Variants in AOPEP observed in about 807,000 individuals in gnomAD.
AOPEP encodes the protein aminopeptidase O (putative), also known as aminopeptidase O.
A neutral mutation model predicts 98.1 loss-of-function variants in AOPEP; 77 were observed. The ratio of observed to expected loss-of-function variants is 0.78; its 90% CI spans 0.65 to 0.95. The LOEUF is 0.95. Among genes scored for constraint, AOPEP ranks in the 40% least tolerant of loss-of-function variants. The probability of loss-of-function intolerance (pLI) is 0.00; values close to 1 mark genes in which losing one functional copy is unlikely to be tolerated. For synonymous variants in AOPEP, 346 were observed against 365.3 expected (o/e 0.95, Z 0.60); for missense variants, 1,024 against 1,024.7 (o/e 1.00, Z 0.01).
chr9:94,892,300 T>A (rs1427253145), intron 5 of AOPEP, among the ~76,000 whole-genome samples: 1 of 152,194 alleles, frequency 6.6e-6, no homozygotes, highest in Non-Finnish European at 1.5e-5. Context: ...TGAATTTAGA[T>A]CTTTTATTAT....
intron 14 of AOPEP, among the ~76,000 whole-genome samples, chr9:95,069,180 G>T (rs999630907): frequency 1.4e-4 from 22 of 152,210 alleles, no homozygotes; most frequent in Admixed American, 1.4e-3. Context: ...GCTGGAGAAT[G>T]ATGTTACCCG....
chr9:94,974,507 C>T (rs1391879739), intron 10 of AOPEP, among the ~76,000 whole-genome samples: 1 of 152,244 alleles, frequency 6.6e-6, no homozygotes, highest in Non-Finnish European at 1.5e-5. Flanking sequence ...ACGTTCTCTT[C>T]ATTCACGGAG....
chr9:94,874,555 T>G (rs1425956645), intron 5 of AOPEP, among the ~76,000 whole-genome samples: 2 of 152,224 alleles, frequency 1.3e-5, no homozygotes, highest in African/African-American at 4.8e-5. Flanking sequence ...CACTGTGTCC[T>G]AAGGTATGCG....
At chr9:94,992,637 A>ATTTGGAGTCTG (rs2060966674) in intron 11 of AOPEP, among the ~76,000 whole-genome samples, 1 of 152,224 alleles carries the variant, frequency 6.6e-6, no homozygotes. Flanking sequence ...CTTTGGAGTC[A>ATTTGGAGTCTG]GCTCTACCAC....
At chr9:94,738,685 C>T (rs113035291) in intron 1 of AOPEP, among the ~76,000 whole-genome samples, 1,817 of 152,248 alleles carry the variant, frequency 0.012, 41 homozygotes, top group African/African-American at 0.041. Context: ...ACCATTCTCC[C>T]GCCTCAGCCT....
chr9:95,126,819 C>A, the AOPEP span: 1 of 499,108 alleles, frequency 2.0e-6, no homozygotes, highest in Non-Finnish European at 3.6e-6. Flanking sequence ...CTGTATGTCC[C>A]ACATTTTCTA....
At chr9:94,963,035 C>T (rs965164914) in intron 9 of AOPEP, among the ~76,000 whole-genome samples, 2 of 152,180 alleles carry the variant, frequency 1.3e-5, no homozygotes. Context: ...TGAGCCACCG[C>T]ATCCAGCCAA....
intron 14 of AOPEP, among the ~76,000 whole-genome samples, chr9:95,075,442 A>G (rs1462520003): frequency 2.0e-5 from 3 of 152,248 alleles, no homozygotes; most frequent in African/African-American, 7.2e-5. Flanking sequence ...ACAAACCTGG[A>G]AAAAGCTGCA....
intron 7 of AOPEP, among the ~76,000 whole-genome samples, chr9:94,941,087 G>A (rs900000033): frequency 2.0e-5 from 3 of 152,190 alleles, no homozygotes; most frequent in Non-Finnish European, 4.4e-5. Context: ...CAAGCAAATC[G>A]CTAGAGGTAA....
the AOPEP span, among the ~76,000 whole-genome samples, chr9:95,148,213 G>T: frequency 1.3e-5 from 2 of 152,132 alleles, no homozygotes; most frequent in East Asian, 3.8e-4. Flanking sequence ...TTTTAAAAAA[G>T]AATTCTGTAC....
chr9:95,083,609 G>A (rs781303562), intron 16 of AOPEP, among the ~76,000 whole-genome samples: 2 of 146,158 alleles, frequency 1.4e-5, no homozygotes, highest in African/African-American at 5.1e-5. Flanking sequence ...TGCACCACAC[G>A]TAGCGCGCAC....
chr9:94,803,624 C>T (rs1156592831), intron 5 of AOPEP, among the ~76,000 whole-genome samples: 9 of 152,088 alleles, frequency 5.9e-5, no homozygotes, highest in Non-Finnish European at 1.3e-4. Flanking sequence ...GTAAATAATA[C>T]ACAAATAATA....
At chr9:94,933,499 T>C (rs2055724205) in intron 7 of AOPEP, 1 of 985,440 alleles carries the variant, frequency 1.0e-6, no homozygotes, top group African/African-American at 1.7e-5. Flanking sequence ...TATGGAACTC[T>C]TAATCTTAGC....
intron 11 of AOPEP, among the ~76,000 whole-genome samples, chr9:95,003,682 T>C (rs1229410995): frequency 6.6e-6 from 1 of 152,246 alleles, no homozygotes; most frequent in East Asian, 1.9e-4. Flanking sequence ...AAATTGTATA[T>C]GATGGCTGTA....
In AOPEP at chr9:94,928,439, G is replaced by A. The variant is rs199727977; in HGVS notation, c.1569G>A (p.Glu523=). Residue 523 remains glutamate, a synonymous_variant, in exon 7 of 17, where the codon GAG becomes GAA. Coordinates refer to ENST00000375315, the MANE Select transcript of AOPEP (RefSeq NM_001193329.3). The stretch of plus-strand genomic sequence containing the variant: ...TGGCTGAGCAGCTGGCCCCCTATGA[G>A]GCCCGGGAGCAGCAGGAGCTGAGGG... The part of the protein sequence containing the change: ...WATAQQLAPY[E]AREQQELRAC... 434 of 1,548,432 alleles carry A rather than the reference G, an allele frequency of 2.8e-4. No homozygotes were observed. Among genetic ancestry groups the A allele is most frequent in the Non-Finnish European group, 3.6e-4 (408 of 1,146,902 alleles).
chr9:94,926,011 G>A lies in AOPEP; in HGVS notation c.1554+1836G>A, dbSNP rs72748602. 5.3e-3 allele frequency among the ~76,000 whole-genome samples: 803 copies of A among 152,356 alleles called. 14 individuals carry two copies. The highest frequency in any genetic ancestry group is 0.043 in the East Asian group (225 of 5,180). Reference sequence around the variant, plus strand: ...TCTTACACACAGGCATTCAGCAGGGGTTTAATATGAACGTGCCTCTATCAC... The same window carrying A: ...TCTTACACACAGGCATTCAGCAGGGATTTAATATGAACGTGCCTCTATCAC... On this transcript the variant is annotated intron_variant, in intron 6 of 16. Transcript: ENST00000375315.
Position 94,924,014 on chromosome 9 carries a change from A to T in AOPEP, c.1393A>T (p.Ile465Phe), listed in dbSNP as rs2053966279. Residue 465 changes from isoleucine (I) to phenylalanine (F), a missense_variant, in exon 6 of 17, where the codon ATC (isoleucine) becomes TTC (phenylalanine). Ile to Phe is a conservative substitution (Grantham distance 21). Transcript: ENST00000375315. ...SPHIMFLSQSILTGGNHLCGT... is the reference protein window; with the variant it reads ...SPHIMFLSQSFLTGGNHLCGT... ...ACACATCATGTTCCTCTCTCAGAGC[A>T]TCTTGACAGGAGGGAACCATCTCTG... 1 of 1,486,258 alleles carries T rather than the reference A, an allele frequency of 6.7e-7. No individual in the cohort carries two copies. Among genetic ancestry groups the T allele is most frequent in the Admixed American group, 2.4e-5 (1 of 42,492 alleles). 92.1% of individuals were successfully genotyped at this position (1,486,258 alleles called of 1,614,324 possible).
At position 94,736,436 on chromosome 9, in the gene AOPEP, A is replaced by C. The variant is rs145346579; in HGVS notation, c.-136+9685A>C. Among the ~76,000 whole-genome samples the C allele has an allele frequency of 6.9e-3, 1,053 of 152,300 alleles. 11 individuals are homozygous for C. The highest frequency in any genetic ancestry group is 0.022 in the African/African-American group (912 of 41,562). Reference sequence around the variant, plus strand: ...GGGGAGGAGGAACTCTTACTGAAAAAGCTGGTATTTTTGTCTGTATTTTCT... The same window carrying C: ...GGGGAGGAGGAACTCTTACTGAAAACGCTGGTATTTTTGTCTGTATTTTCT... On this transcript the variant is annotated intron_variant, in intron 1 of 16. Coordinates refer to ENST00000375315, the MANE Select transcript of AOPEP (RefSeq NM_001193329.3).
At chr9:94,870,186 C>A (rs990367188) in intron 5 of AOPEP, among the ~76,000 whole-genome samples, 1 of 152,026 alleles carries the variant, frequency 6.6e-6, no homozygotes, top group African/African-American at 2.4e-5. Flanking sequence ...AACGGGGTTT[C>A]ACCATGTTAG....
Sources: allele counts gnomAD v4.1 joint callset (sites outside exome capture counted in the v4.1 genomes callset), GRCh38; gene constraint gnomAD v4.1.1; transcripts MANE v1.5; gene names NCBI Gene and HGNC (gene_info 2026-07-23, HGNC 2026-07-21).